The following CCDC7 variants were observed in gnomAD, a reference collection of about 807,000 sequenced individuals.
CCDC7 encodes the protein coiled-coil domain-containing protein 7.
Under a neutral mutation model 196.9 loss-of-function variants are expected in CCDC7, and 183 were observed. That is an observed-to-expected ratio of 0.93 (90% CI 0.82 to 1.05). The LOEUF is 1.05. Among genes scored for constraint, CCDC7 ranks in the 50% least tolerant of loss-of-function variants. The pLI is 0.00. For synonymous variants in CCDC7, 525 were observed against 484.6 expected (o/e 1.08, Z -1.10); for missense variants, 1,540 against 1,482.2 (o/e 1.04, Z -0.64).
At chr10:32,618,186 T>G (rs140855255) in intron 18 of CCDC7, among the ~76,000 whole-genome samples, 3 of 152,008 alleles carry the variant, frequency 2.0e-5, no homozygotes, top group South Asian at 4.1e-4. Flanking sequence ...TTTAATGCAG[T>G]CTGCCAATCT....
chr10:32,665,629 A>G (rs900387454), intron 21 of CCDC7, among the ~76,000 whole-genome samples: 1 of 152,032 alleles, frequency 6.6e-6, no homozygotes, highest in Admixed American at 6.6e-5. Flanking sequence ...GCTAAATAAT[A>G]TGTTTTAAAA....
In CCDC7 at chr10:32,645,326, ATTTG is replaced by A. The variant is rs143581284; in HGVS notation, c.2014+10174_2014+10177del. On this transcript the variant is annotated intron_variant, in intron 20 of 41. Coordinates refer to ENST00000639629, the Ensembl canonical transcript of CCDC7. ...TCTGTTAATGTGATGTGTCACATTT[ATTTG>A]TTTGTGGATATTGAACCATCTGTAC... Among the ~76,000 whole-genome samples the A allele has an allele frequency of 8.0e-3, 1,218 of 152,194 alleles. 22 individuals are homozygous for A. Among genetic ancestry groups the A allele is most frequent in the African/African-American group, 0.027 (1,102 of 41,520 alleles).
intron 18 of CCDC7, among the ~76,000 whole-genome samples, chr10:32,608,393 T>G (rs1028524067): frequency 1.3e-5 from 2 of 152,152 alleles, no homozygotes; most frequent in Non-Finnish European, 2.9e-5. Flanking sequence ...TTATTTGAGC[T>G]GTTTATTTGA....
exon 1 of CCDC7, chr10:32,451,821 A>T: frequency 6.2e-7 from 1 of 1,614,214 alleles, no homozygotes; most frequent in South Asian, 1.1e-5. Context: ...CCAACAGGAG[A>T]ATCCATTTTA....
Position 32,848,595 on chromosome 10 carries a change from G to A in CCDC7, c.3773-1G>A. Reference sequence around the variant, plus strand: ...CTTTTTCTTTTAAAATTTTATTTTAGATGTGAACTTATTTAAAAACAAAGA... The same window carrying A: ...CTTTTTCTTTTAAAATTTTATTTTAAATGTGAACTTATTTAAAAACAAAGA... On this transcript the variant is annotated splice_acceptor_variant, in intron 38 of 41. Coordinates refer to ENST00000639629, the Ensembl canonical transcript of CCDC7. LOFTEE classifies it high-confidence loss of function. The A allele has an allele frequency of 6.8e-7, 1 of 1,469,074 alleles. No homozygotes were observed. The highest frequency in any genetic ancestry group is 1.7e-4 in the Middle Eastern group (1 of 5,816). 91.0% of individuals were successfully genotyped at this position (1,469,074 alleles called of 1,614,324 possible). A position where few individuals can be genotyped will look rare whatever the true frequency, so the allele number is the denominator to read the frequency against.
intron 13 of CCDC7, among the ~76,000 whole-genome samples, chr10:32,552,745 G>A (rs906180576): frequency 2.0e-5 from 3 of 152,140 alleles, no homozygotes; most frequent in Non-Finnish European, 2.9e-5. Context: ...TGAAGATCGG[G>A]CCCCAATCCC....
chr10:32,699,294 A>C (rs2078248310), intron 24 of CCDC7, among the ~76,000 whole-genome samples: 1 of 145,660 alleles, frequency 6.9e-6, no homozygotes, highest in African/African-American at 2.6e-5. Context: ...ATGAGTGAGA[A>C]CATGTGGTGT....
At chr10:32,729,556 G>A (rs1335990) in intron 28 of CCDC7, 99 bp downstream of exon 29, 59,174 of 516,306 alleles carry the variant, frequency 0.11, 4,085 homozygotes, top group African/African-American at 0.25. Context: ...TGCTTCTTCT[G>A]CTAATTATTT....
rs1387640049 is a variant in CCDC7 at position 32,680,874 on chromosome 10, CTG to C, written c.2123-5095_2123-5094del. 5.3e-5 allele frequency among the ~76,000 whole-genome samples: 8 copies of C among 152,126 alleles called. No homozygotes were observed. In the East Asian group the frequency reaches 7.7e-4, roughly 15 times the overall value. The stretch of plus-strand genomic sequence containing the variant: ...CCATATTTTTGTTCACTTTTGAAAA[CTG>C]AGAGAATTTGGGGAAAATTTCACCA... On this transcript the variant is annotated intron_variant, in intron 21 of 41. Coordinates refer to ENST00000639629, the Ensembl canonical transcript of CCDC7.
intron 8 of CCDC7, among the ~76,000 whole-genome samples, chr10:32,485,462 A>T (rs1039107115): frequency 7.6e-4 from 115 of 151,976 alleles, no homozygotes; most frequent in African/African-American, 2.7e-3. Flanking sequence ...GATTCATTGA[A>T]TTTTTGAAGG....
chr10:32,628,037 T>G (rs2064303707), intron 18 of CCDC7, among the ~76,000 whole-genome samples: 1 of 152,000 alleles, frequency 6.6e-6, no homozygotes, highest in Admixed American at 6.6e-5. Flanking sequence ...TAAACCAAAA[T>G]TGGAAGTATT....
chr10:32,603,363 T>C (rs2061264448), intron 18 of CCDC7, among the ~76,000 whole-genome samples: 1 of 152,164 alleles, frequency 6.6e-6, no homozygotes, highest in Non-Finnish European at 1.5e-5. Flanking sequence ...GATGGACACT[T>C]AGCTTGATTT....
At chr10:32,783,951 C>T (rs1490229545) in intron 29 of CCDC7, among the ~76,000 whole-genome samples, 1 of 151,938 alleles carries the variant, frequency 6.6e-6, no homozygotes, top group African/African-American at 2.4e-5. Context: ...AATAAGTAGA[C>T]AGAAAGTAGA....
chr10:32,624,956 C>T (rs1257276066), intron 18 of CCDC7, among the ~76,000 whole-genome samples: 7 of 105,202 alleles, frequency 6.7e-5, no homozygotes, highest in African/African-American at 2.0e-4. Context: ...CTTTTCATTT[C>T]GTTGACTTTT....
intron 5 of CCDC7, among the ~76,000 whole-genome samples, chr10:32,467,128 A>G (rs1160706216): frequency 6.7e-6 from 1 of 149,988 alleles, no homozygotes; most frequent in East Asian, 2.0e-4. Flanking sequence ...TTTGAGACAG[A>G]GTCTTGCTCC....
chr10:32,794,414 T>C (rs146585919), intron 29 of CCDC7, among the ~76,000 whole-genome samples: 2 of 152,338 alleles, frequency 1.3e-5, no homozygotes, highest in African/African-American at 4.8e-5. Context: ...GGTAGAATGA[T>C]TTATTTTCCT....
Position 32,533,769 on chromosome 10 carries a change from A to G in CCDC7, c.994-9531A>G, listed in dbSNP as rs900609091. Among the ~76,000 whole-genome samples the G allele has an allele frequency of 2.6e-5, 4 of 152,030 alleles. No individual in the cohort carries two copies. The East Asian group carries it at 7.7e-4, about 29-fold the overall frequency. On this transcript the variant is annotated intron_variant, in intron 11 of 41. Coordinates refer to ENST00000639629, the Ensembl canonical transcript of CCDC7. The stretch of plus-strand genomic sequence containing the variant: ...TATTTTCATTGAAAAGTCTGTTGCT[A>G]GGCAAATTGGAGCTTTTTAATATGT...
chr10:32,657,573 A>G (rs1763792), intron 20 of CCDC7, among the ~76,000 whole-genome samples: 52,423 of 152,146 alleles, frequency 0.34, 11,450 homozygotes, highest in Non-Finnish European at 0.5. Context: ...GTAGGGCACC[A>G]TGTCCTGAGG....
At chr10:32,662,482 G>T (rs2071689943) in intron 20 of CCDC7, among the ~76,000 whole-genome samples, 1 of 152,166 alleles carries the variant, frequency 6.6e-6, no homozygotes, top group East Asian at 1.9e-4. Flanking sequence ...AGCTACAGGA[G>T]ACCTCACTAT....
Sources: allele counts gnomAD v4.1 joint callset (sites outside exome capture counted in the v4.1 genomes callset), GRCh38; gene constraint gnomAD v4.1.1; transcripts MANE v1.5; gene names NCBI Gene and HGNC (gene_info 2026-07-23, HGNC 2026-07-21).